The following GRM8 variants were observed in gnomAD, a reference collection of about 807,000 sequenced individuals.
GRM8 encodes glutamate metabotropic receptor 8.
Under a neutral mutation model 87.2 loss-of-function variants are expected in GRM8, and 47 were observed. The ratio of observed to expected loss-of-function variants is 0.54; its 90% CI spans 0.43 to 0.69. GRM8 has a LOEUF of 0.69. GRM8 is among the 30% of genes least tolerant of loss of function. The pLI is 0.00. For missense variants in GRM8, 1,019 were observed against 1,139.2 expected (o/e 0.89, Z 1.52); for synonymous variants, 396 against 404.5 (o/e 0.98, Z 0.25).
At chr7:126,781,628 C>T (rs1317224228) in intron 6 of GRM8, among the ~76,000 whole-genome samples, 1 of 152,310 alleles carries the variant, frequency 6.6e-6, no homozygotes, top group East Asian at 1.9e-4. Flanking sequence ...CACGGGAACA[C>T]ATGTTATAAC....
At chr7:126,709,217 A>G (rs964034623) in intron 7 of GRM8, among the ~76,000 whole-genome samples, 11 of 152,168 alleles carry the variant, frequency 7.2e-5, no homozygotes, top group African/African-American at 2.4e-4. Context: ...AATGCAAATT[A>G]AAACTGCAAT....
intron 3 of GRM8, among the ~76,000 whole-genome samples, chr7:126,979,780 G>A (rs1282013561): frequency 6.6e-6 from 1 of 152,118 alleles, no homozygotes; most frequent in Admixed American, 6.5e-5. Flanking sequence ...CTATCCCTTG[G>A]GCTAAGGATT....
chr7:127,026,010 CCCCCTGA>C, intron 3 of GRM8, among the ~76,000 whole-genome samples: 1 of 152,056 alleles, frequency 6.6e-6, no homozygotes, highest in East Asian at 1.9e-4. Flanking sequence ...CAGCCCCCTG[CCCCCTGA>C]CAGGCCCTGA....
chr7:126,643,306 AAAAAAAAAAAAAAATATATATAT>A (rs1563049672), intron 7 of GRM8, among the ~76,000 whole-genome samples: 1 of 33,740 alleles, frequency 3.0e-5, no homozygotes, highest in Non-Finnish European at 6.3e-5. Context: ...AAAAAAAAAA[AAAAAAAAAAAAAAATATATATAT>A]ATATATATAT....
chr7:127,184,231 T>C (rs959216426), intron 2 of GRM8, among the ~76,000 whole-genome samples: 1 of 151,906 alleles, frequency 6.6e-6, no homozygotes, highest in Non-Finnish European at 1.5e-5. Context: ...ATATCTATCA[T>C]GAAGATAAAT....
chr7:126,703,708 C>T lies in GRM8; in HGVS notation c.1357+66157G>A, dbSNP rs149684393. On this transcript the variant is annotated intron_variant, in intron 7 of 10. Transcript: ENST00000339582. ...TCAAGTGTCTAGGACTACAGGTGTG[C>T]TCTGCCATACCTGGCTAATTTTTAA... 3.4e-3 allele frequency among the ~76,000 whole-genome samples: 524 copies of T among 152,264 alleles called. 1 individual carries two copies. The highest frequency in any genetic ancestry group is 5.0e-3 in the Non-Finnish European group (340 of 68,010).
chr7:126,650,722 C>G (rs746922727), intron 7 of GRM8, among the ~76,000 whole-genome samples: 2 of 151,688 alleles, frequency 1.3e-5, no homozygotes, highest in Non-Finnish European at 2.9e-5. Flanking sequence ...TGAGCGCTCA[C>G]CAACAGGTGA....
At chr7:126,581,623 G>T (rs529687173) in intron 8 of GRM8, among the ~76,000 whole-genome samples, 1 of 151,978 alleles carries the variant, frequency 6.6e-6, no homozygotes, top group African/African-American at 2.4e-5. Context: ...CTCACATTAC[G>T]GTGCTTTTTT....
At chr7:126,734,902 G>T (rs1221158437) in intron 7 of GRM8, among the ~76,000 whole-genome samples, 1 of 152,060 alleles carries the variant, frequency 6.6e-6, no homozygotes, top group Non-Finnish European at 1.5e-5. Context: ...AGGAAAGAGA[G>T]ACATTTGGTA....
At chr7:127,107,343 A>G (rs1825904733) in intron 2 of GRM8, among the ~76,000 whole-genome samples, 1 of 152,208 alleles carries the variant, frequency 6.6e-6, no homozygotes, top group African/African-American at 2.4e-5. Flanking sequence ...ACCCCCTTCA[A>G]AACATCACAG....
intron 2 of GRM8, among the ~76,000 whole-genome samples, chr7:127,155,730 A>G (rs929473489): frequency 3.9e-5 from 6 of 152,320 alleles, no homozygotes; most frequent in Middle Eastern, 3.4e-3. Context: ...CTCAATAAAC[A>G]TGTTTATAAA....
intron 9 of GRM8, among the ~76,000 whole-genome samples, chr7:126,480,684 C>T (rs7796761): frequency 0.31 from 46,998 of 151,894 alleles, 8,129 homozygotes; most frequent in Non-Finnish European, 0.37. Flanking sequence ...ATCAGTAAAA[C>T]GCAAGGGCTT....
intron 8 of GRM8, among the ~76,000 whole-genome samples, chr7:126,595,815 T>C (rs1262461435): frequency 2.0e-5 from 3 of 152,144 alleles, no homozygotes; most frequent in Non-Finnish European, 4.4e-5. Flanking sequence ...GCAGTTAACA[T>C]GAACATGCGT....
At chr7:127,234,475 G>T (rs1182794489) in intron 2 of GRM8, among the ~76,000 whole-genome samples, 2 of 152,208 alleles carry the variant, frequency 1.3e-5, no homozygotes, top group Non-Finnish European at 2.9e-5. Flanking sequence ...AATATGAACA[G>T]AAATCCAACC....
intron 6 of GRM8, among the ~76,000 whole-genome samples, chr7:126,875,982 T>G (rs1241951146): frequency 6.6e-6 from 1 of 152,174 alleles, no homozygotes; most frequent in Non-Finnish European, 1.5e-5. Flanking sequence ...CAATCTCTTC[T>G]TGTCTTTAAT....
chr7:127,006,750 A>T (rs1586733210), intron 3 of GRM8, among the ~76,000 whole-genome samples: 1 of 152,032 alleles, frequency 6.6e-6, no homozygotes, highest in African/African-American at 2.4e-5. Context: ...TCCAGAGTTC[A>T]GTCCTTGAAC....
At chr7:126,825,975 G>T (rs1794745375) in intron 6 of GRM8, among the ~76,000 whole-genome samples, 1 of 150,844 alleles carries the variant, frequency 6.6e-6, no homozygotes, top group South Asian at 2.1e-4. Flanking sequence ...GCAGTGTTTA[G>T]TTTTTTGTCC....
chr7:126,969,529 G>C (rs1186785430), intron 3 of GRM8, among the ~76,000 whole-genome samples: 1 of 152,108 alleles, frequency 6.6e-6, no homozygotes, highest in East Asian at 1.9e-4. Context: ...AGTTTTATGA[G>C]ATTGAAGCAA....
intron 3 of GRM8, among the ~76,000 whole-genome samples, chr7:127,051,649 T>C (rs1377508933): frequency 6.6e-6 from 1 of 150,466 alleles, no homozygotes; most frequent in Non-Finnish European, 1.5e-5. Flanking sequence ...TTGTGACATA[T>C]TTGTGCATAG....
Sources: gnomAD v4.1 joint callset for allele counts (sites outside exome capture counted in the v4.1 genomes callset) on GRCh38, gnomAD v4.1.1 for gene constraint, MANE v1.5 for transcripts, NCBI Gene and HGNC (gene_info 2026-07-23, HGNC 2026-07-21) for gene names.